The following DNAH2 variants were observed in gnomAD, a reference collection of about 807,000 sequenced individuals.
DNAH2 encodes the protein dynein axonemal heavy chain 2.
Under a neutral mutation model 523.5 loss-of-function variants are expected in DNAH2, and 323 were observed. The observed-to-expected ratio is 0.62, with a 90% CI of 0.56 to 0.68. The LOEUF (loss-of-function observed/expected upper bound fraction) is 0.68, where lower values mean the gene tolerates loss of function less well. DNAH2 is among the 30% of genes least tolerant of loss of function. DNAH2 has a pLI of 0.00. For synonymous variants in DNAH2, 2,093 were observed against 2,177.4 expected (o/e 0.96, Z 1.08); for missense variants, 4,907 against 5,701.5 (o/e 0.86, Z 4.49).
intron 58 of DNAH2, among the ~76,000 whole-genome samples, chr17:7,803,188 C>T (rs951627942): frequency 5.3e-5 from 8 of 152,070 alleles, no homozygotes; most frequent in African/African-American, 1.9e-4. Context: ...GGCTCAGTCC[C>T]ACAATACACC....
chr17:7,725,529 C>A (rs1283434897), intron 3 of DNAH2, among the ~76,000 whole-genome samples: 17 of 150,568 alleles, frequency 1.1e-4, no homozygotes, highest in Admixed American at 1.1e-3. Context: ...GCCTCCCGGG[C>A]TCAAGCAATT....
intron 14 of DNAH2, 67 bp from the exon 15 acceptor site, chr17:7,758,817 AG>A: frequency 6.3e-7 from 1 of 1,591,556 alleles, no homozygotes; most frequent in East Asian, 2.2e-5. Flanking sequence ...AACAAGTGGG[AG>A]GGTAGAATGA....
At chr17:7,733,560 C>G (rs1243010864) in intron 5 of DNAH2, among the ~76,000 whole-genome samples, 3 of 150,558 alleles carry the variant, frequency 2.0e-5, no homozygotes, top group African/African-American at 7.4e-5. Context: ...TCACTGCAAC[C>G]TCTGCCTCCT....
chr17:7,820,375 G>A (rs1160443651), intron 72 of DNAH2, among the ~76,000 whole-genome samples: 1 of 152,274 alleles, frequency 6.6e-6, no homozygotes, highest in East Asian at 1.9e-4. Context: ...CCAGTGGTTG[G>A]TTGCTTGGCC....
At chr17:7,741,367 T>C (rs1225798925) in intron 11 of DNAH2, among the ~76,000 whole-genome samples, 1 of 142,910 alleles carries the variant, frequency 7.0e-6, no homozygotes, top group Non-Finnish European at 1.5e-5. Context: ...CCTTTCTTTT[T>C]GTTTTTTTGA....
chr17:7,766,725 A>G (rs8072442), intron 22 of DNAH2, among the ~76,000 whole-genome samples: 124,906 of 147,148 alleles, frequency 0.85, 54,458 homozygotes, highest in Non-Finnish European at 0.95. Context: ...TCGGCTCACT[A>G]TAACCTCTGC....
intron 50 of DNAH2, among the ~76,000 whole-genome samples, chr17:7,796,935 CAAAAA>C (rs370280901): frequency 1.7e-5 from 2 of 116,168 alleles, no homozygotes; most frequent in Non-Finnish European, 3.5e-5. Flanking sequence ...ATTAAAAATA[CAAAAA>C]AAAAAAAAAA....
At chr17:7,739,997 G>T in intron 9 of DNAH2, 59 bp downstream of exon 9, 1 of 1,566,360 alleles carries the variant, frequency 6.4e-7, no homozygotes, top group Non-Finnish European at 8.7e-7. Flanking sequence ...AGGCAGCCAA[G>T]AGTGGGAGGA....
chr17:7,819,351 A>G lies in DNAH2; in HGVS notation c.10958A>G (p.Asn3653Ser), dbSNP rs1264085858. The G allele has an allele frequency of 4.3e-6, 7 of 1,614,124 alleles. No homozygotes were observed. The highest frequency in any genetic ancestry group is 1.1e-5 in the South Asian group (1 of 91,094). The part of the protein sequence containing the change: ...ILSIDKSHRS[N>S]KLEDRIDYLN... ...AGCATTGACAAAAGCCACCGCAGCA[A>G]TAAGCTGGAGGACCGCATTGACTAC... Residue 3653 changes from asparagine to serine, a missense_variant, in exon 72 of 86, where the codon AAT becomes AGT. Around this residue, in one of 3 missense-constraint regions of DNAH2, gnomAD observed 1,851 missense variants for 2,139.4 expected, o/e 0.87. Transcript: ENST00000572933.
rs558061540 is a variant in DNAH2 at position 7,765,752 on chromosome 17, G to T, written c.3511+187G>T. 3.9e-5 allele frequency among the ~76,000 whole-genome samples: 6 copies of T among 152,094 alleles called. No homozygotes were observed. The East Asian group carries it at 1.2e-3, about 30-fold the overall frequency. On this transcript the variant is annotated intron_variant, in intron 21 of 85. Coordinates refer to ENST00000572933, the MANE Select transcript of DNAH2 (RefSeq NM_020877.5). ...TGGCTCTCGTTTTGGGTAGACAGCG[G>T]CGCAGCTCACAGCATTTCTACTTTT...
chr17:7,768,211 G>T lies in DNAH2; in HGVS notation c.3885G>T (p.Gln1295His), dbSNP rs1356721430. 6.2e-7 allele frequency: 1 copy of T among 1,614,162 alleles called. No homozygotes were observed. The highest frequency in any genetic ancestry group is 8.5e-7 in the Non-Finnish European group (1 of 1,180,030). ...IIETTRSKIE[Q>H]FKRTMPLISD... The stretch of plus-strand genomic sequence containing the variant: ...AAACCACTCGCTCAAAAATAGAGCA[G>T]TTCAAGAGGACCATGCCTCTCATCT... Residue 1295 changes from glutamine to histidine, a missense_variant, in exon 24 of 86, where the codon CAG (glutamine) becomes CAT (histidine). This residue lies in a region of DNAH2 where 2,806 missense variants were observed against 3,190.8 expected (regional missense o/e 0.88). Coordinates refer to ENST00000572933, the MANE Select transcript of DNAH2 (RefSeq NM_020877.5).
In DNAH2 at chr17:7,818,626, AG is replaced by A. The variant is rs754268717; in HGVS notation, c.10537-16del. The A allele has an allele frequency of 7.4e-6, 12 of 1,613,390 alleles. No homozygotes were observed. Among genetic ancestry groups the A allele is most frequent in the African/African-American group, 1.3e-5 (1 of 74,916 alleles). ...GAAGGAGTGACAGCCCCTCACTGTG[AG>A]TCCTGATGCCCCCAGGGCCTGGAGG... On this transcript the variant is annotated splice_polypyrimidine_tract_variant and intron_variant, in intron 69 of 85. Transcript: ENST00000572933.
Position 7,719,847 on chromosome 17 carries a change from C to A in DNAH2, c.113C>A (p.Ala38Asp). The change falls in exon 2 of 86, where the codon GCC (alanine) becomes GAC (aspartate). Residue 38 changes from alanine (A) to aspartate (D), a missense_variant. Coordinates refer to ENST00000572933, the MANE Select transcript of DNAH2 (RefSeq NM_020877.5). ...GTGGCCACACAGGAGCAGGGGAATG[C>A]CCCGGCTGTCAGTGAGCCAGAGCTG... ...AAVATQEQGN[A>D]PAVSEPELQA... 1 of 1,602,236 alleles carries A rather than the reference C, an allele frequency of 6.2e-7. No individual in the cohort carries two copies. Among genetic ancestry groups the A allele is most frequent in the Admixed American group, 1.7e-5 (1 of 58,608 alleles).
intron 42 of DNAH2, 159 bp from the exon 43 acceptor site, chr17:7,787,701 A>C (rs1354219434): frequency 3.5e-5 from 34 of 963,858 alleles, no homozygotes; most frequent in Non-Finnish European, 4.4e-5. Context: ...ACGCCACTGC[A>C]CTCCAGCCTG....
chr17:7,825,562 G>A (rs763442613), intron 77 of DNAH2, among the ~76,000 whole-genome samples: 21 of 152,048 alleles, frequency 1.4e-4, no homozygotes, highest in Admixed American at 9.8e-4. Context: ...TTATTACTTC[G>A]GTGTTTCTTT....
At chr17:7,817,168 A>G in intron 64 of DNAH2, 122 bp from the exon 65 acceptor site, 1 of 1,352,410 alleles carries the variant, frequency 7.4e-7, no homozygotes, top group South Asian at 1.6e-5. Flanking sequence ...ACACAGGTTT[A>G]GGGGAGGGAA....
At chr17:7,734,787 G>A in intron 7 of DNAH2, 79 bp downstream of exon 7, 2 of 1,474,608 alleles carry the variant, frequency 1.4e-6, no homozygotes, top group Non-Finnish European at 1.9e-6. Flanking sequence ...TAAGTAAGGA[G>A]AGGGAGCCAA....
rs760880066 is a variant in DNAH2 at position 7,831,468 on chromosome 17, C to A, written c.12538C>A (p.Leu4180Ile). ...TGAGGGGACTCAAAAACTGCTAGCTCTCGACCCCTCCCCCCTCAATGTGGT... is the reference window on the plus strand; with the variant it reads ...TGAGGGGACTCAAAAACTGCTAGCTATCGACCCCTCCCCCCTCAATGTGGT... ...DYEGTQKLLA[L>I]DPSPLNVVLL... The change falls in exon 81 of 86, where the codon CTC becomes ATC. Residue 4180 changes from leucine to isoleucine, a missense_variant. Around this residue, in one of 3 missense-constraint regions of DNAH2, gnomAD observed 1,851 missense variants for 2,139.4 expected, o/e 0.87. Coordinates refer to ENST00000572933, the MANE Select transcript of DNAH2 (RefSeq NM_020877.5). This position sits in a 1 kb window ranked among gnomAD's most constrained non-coding sequence, Gnocchi z 4.2. 1 of 1,614,190 alleles carries A rather than the reference C, an allele frequency of 6.2e-7. No homozygotes were observed. Among genetic ancestry groups the A allele is most frequent in the Non-Finnish European group, 8.5e-7 (1 of 1,180,046 alleles).
chr17:7,751,683 G>A (rs999886491), intron 12 of DNAH2, among the ~76,000 whole-genome samples: 12 of 152,002 alleles, frequency 7.9e-5, no homozygotes, highest in Non-Finnish European at 1.6e-4. Context: ...TCTGGTATCT[G>A]TCTATTCATG....
Sources: allele counts gnomAD v4.1 joint callset (sites outside exome capture counted in the v4.1 genomes callset), GRCh38; gene constraint gnomAD v4.1.1; regional missense constraint gnomAD v4.1.1; non-coding constraint Gnocchi (gnomAD v3.1); transcripts MANE v1.5; gene names NCBI Gene and HGNC (gene_info 2026-07-23, HGNC 2026-07-21).